The following MCF2L2 variants were observed in gnomAD, a reference collection of about 807,000 sequenced individuals.
MCF2L2 encodes MCF.2 cell line derived transforming sequence-like 2.
MCF2L2 carries 102 observed loss-of-function variants against 150.2 expected under a neutral mutation model. The ratio of observed to expected loss-of-function variants is 0.68; its 90% CI spans 0.58 to 0.80. MCF2L2 has a LOEUF of 0.80. Ranked by LOEUF, MCF2L2 falls within the 30% of genes least tolerant of loss-of-function variation. MCF2L2 has a pLI of 0.00. For missense variants in MCF2L2, 1,256 were observed against 1,372.8 expected, an observed-to-expected ratio of 0.91 and a Z score of 1.34; for synonymous variants, 465 against 491.3, an observed-to-expected ratio of 0.95 and a Z score of 0.71.
In MCF2L2 at chr3:183,195,583, T is replaced by C. The variant is rs540462244; in HGVS notation, c.2885-328A>G. ...AAACAGTGCTCAAATGCTCATTTTT[T>C]CCATGTGAGCCCAAATTATGTGACT... On this transcript the variant is annotated intron_variant, in intron 25 of 29. Coordinates refer to ENST00000328913, the MANE Select transcript of MCF2L2 (RefSeq NM_015078.4). 2.0e-5 allele frequency among the ~76,000 whole-genome samples: 3 copies of C among 152,258 alleles called. No individual in the cohort carries two copies. The East Asian group carries it at 5.8e-4, about 29-fold the overall frequency.
intron 6 of MCF2L2, among the ~76,000 whole-genome samples, chr3:183,318,690 T>G (rs1446924438): frequency 6.6e-6 from 1 of 152,236 alleles, no homozygotes; most frequent in Non-Finnish European, 1.5e-5. Context: ...TCTAGGCCAC[T>G]GCAATGAAGC....
rs186013221 is a variant in MCF2L2 at position 183,233,398 on chromosome 3, A to G, written c.1863-2381T>C. 1.4e-4 allele frequency among the ~76,000 whole-genome samples: 21 copies of G among 151,036 alleles called. No individual in the cohort carries two copies. In the East Asian group the frequency reaches 3.7e-3, roughly 27 times the overall value. On this transcript the variant is annotated intron_variant, in intron 15 of 29. Transcript: ENST00000328913. ...CATACATATAGATATAGATAGATAT[A>G]TGTGTGTGTGTGTGTATATATATAT...
chr3:183,390,895 T>TCAAAACAAAA (rs373647290), intron 1 of MCF2L2, among the ~76,000 whole-genome samples: 1 of 152,068 alleles, frequency 6.6e-6, no homozygotes, highest in African/African-American at 2.4e-5. Context: ...AGACCCTGTC[T>TCAAAACAAAA]CAAAACAAAA....
chr3:183,338,460 A>AAG (rs1553783697), intron 5 of MCF2L2, among the ~76,000 whole-genome samples: 1 of 150,958 alleles, frequency 6.6e-6, no homozygotes, highest in Non-Finnish European at 1.5e-5. Context: ...AAAAAAAAAA[A>AAG]AAAAAGAAAA....
intron 3 of MCF2L2, among the ~76,000 whole-genome samples, chr3:183,353,756 G>A (rs1321803117): frequency 2.0e-5 from 3 of 152,226 alleles, no homozygotes; most frequent in East Asian, 3.9e-4. Flanking sequence ...CCTGAGATTC[G>A]GGCAGGGACA....
At chr3:183,212,965 T>TGGGGGGG (rs1238129253) in intron 22 of MCF2L2, among the ~76,000 whole-genome samples, 3 of 10,232 alleles carry the variant, frequency 2.9e-4, no homozygotes, top group Admixed American at 1.1e-3. Context: ...GTGGGGGGGG[T>TGGGGGGG]GGGGGGGTGG....
chr3:183,196,993 G>A (rs1361851670), intron 25 of MCF2L2, among the ~76,000 whole-genome samples: 2 of 152,062 alleles, frequency 1.3e-5, no homozygotes, highest in African/African-American at 2.4e-5. Flanking sequence ...GGCAGCAGGG[G>A]AGTCAGTTAA....
chr3:183,347,231 A>G (rs1452468928), intron 3 of MCF2L2, among the ~76,000 whole-genome samples: 2 of 152,312 alleles, frequency 1.3e-5, no homozygotes, highest in South Asian at 2.1e-4. Context: ...AACAGAACAG[A>G]GGCCTCAGAA....
chr3:183,268,761 T>C (rs954724089), intron 15 of MCF2L2, among the ~76,000 whole-genome samples: 8 of 152,222 alleles, frequency 5.3e-5, no homozygotes, highest in Non-Finnish European at 1.0e-4. Context: ...GCGCATGATA[T>C]GGTACAAGAA....
At position 183,263,965 on chromosome 3, in the gene MCF2L2, G is replaced by A. The variant is rs182413356; in HGVS notation, c.1862+12907C>T. The stretch of plus-strand genomic sequence containing the variant: ...CGACTAGGCCTTCCTCACCTCATCC[G>A]GCATCAGTGTGAGCCCTTGAGAAAC... On this transcript the variant is annotated intron_variant, in intron 15 of 29. Transcript: ENST00000328913. Among the ~76,000 whole-genome samples, 39 of 152,068 alleles carry A rather than the reference G, an allele frequency of 2.6e-4. No homozygotes were observed. In the East Asian group the frequency reaches 3.5e-3, roughly 14 times the overall value.
intron 5 of MCF2L2, among the ~76,000 whole-genome samples, chr3:183,332,028 T>A (rs922090761): frequency 2.0e-5 from 3 of 152,170 alleles, no homozygotes; most frequent in Admixed American, 1.3e-4. Context: ...CGTGAAAATG[T>A]AATTATCTAA....
chr3:183,407,469 C>T (rs913126402), intron 1 of MCF2L2, among the ~76,000 whole-genome samples: 1 of 152,152 alleles, frequency 6.6e-6, no homozygotes, highest in African/African-American at 2.4e-5. Flanking sequence ...GTCTTCCAAA[C>T]CTTAAATATG....
chr3:183,417,760 G>C (rs1228444801), intron 1 of MCF2L2, among the ~76,000 whole-genome samples: 2 of 151,700 alleles, frequency 1.3e-5, no homozygotes, highest in Admixed American at 1.3e-4. Flanking sequence ...ATAAAGGAAA[G>C]AGGTCAAATT....
intron 3 of MCF2L2, among the ~76,000 whole-genome samples, chr3:183,350,569 C>T (rs1027684317): frequency 6.6e-6 from 1 of 152,104 alleles, no homozygotes; most frequent in African/African-American, 2.4e-5. Context: ...AAGAATGCTT[C>T]GAAAAATAAC....
At position 183,318,081 on chromosome 3, in the gene MCF2L2, C is replaced by T. The variant is rs772575576; in HGVS notation, c.740G>A (p.Arg247Gln). The stretch of plus-strand genomic sequence containing the variant: ...CTGACCGCTCACCTGCAGCTTGTCC[C>T]GCTGCCTTGTGTGGGACATGAGAAG... ...EDLLMSHTRQRDKLQDELKLL... is the reference protein window; with the variant it reads ...EDLLMSHTRQQDKLQDELKLL... Residue 247 changes from arginine (R) to glutamine (Q), a missense_variant, in exon 7 of 30, where the codon CGG becomes CAG. Coordinates refer to ENST00000328913, the MANE Select transcript of MCF2L2 (RefSeq NM_015078.4). 9 of 1,613,816 alleles carry T rather than the reference C, an allele frequency of 5.6e-6. No homozygotes were observed. The East Asian group carries it at 8.9e-5, about 16-fold the overall frequency.
intron 25 of MCF2L2, 65 bp from the exon 26 acceptor site, chr3:183,195,320 A>G: frequency 8.8e-7 from 1 of 1,135,322 alleles, no homozygotes. Flanking sequence ...GATTTTACAT[A>G]GTGATTTTTA....
chr3:183,392,159 T>G (rs1037679512), intron 1 of MCF2L2, among the ~76,000 whole-genome samples: 1 of 152,222 alleles, frequency 6.6e-6, no homozygotes, highest in Non-Finnish European at 1.5e-5. Flanking sequence ...AAATTAAACA[T>G]TTTAAAGATG....
intron 1 of MCF2L2, among the ~76,000 whole-genome samples, chr3:183,425,785 C>T (rs1175707680): frequency 6.6e-6 from 1 of 152,072 alleles, no homozygotes; most frequent in East Asian, 1.9e-4. Flanking sequence ...AAACCCGTCT[C>T]TACTAAAAAT....
At chr3:183,221,366 CTAT>C (rs1346046653) in intron 20 of MCF2L2, among the ~76,000 whole-genome samples, 1 of 152,302 alleles carries the variant, frequency 6.6e-6, no homozygotes, top group East Asian at 1.9e-4. Flanking sequence ...CAGGAAAGTA[CTAT>C]TATTATCTTA....
Sources: gnomAD v4.1 joint callset for allele counts (sites outside exome capture counted in the v4.1 genomes callset) on GRCh38, gnomAD v4.1.1 for gene constraint, MANE v1.5 for transcripts, NCBI Gene and HGNC (gene_info 2026-07-23, HGNC 2026-07-21) for gene names.